MEP1B: variants seen among roughly 807,000 people sequenced by gnomAD.
The protein encoded by MEP1B is meprin A subunit beta, also known as N-benzoyl-L-tyrosyl-P-amino-benzoic acid hydrolase subunit beta.
In MEP1B, 80 loss-of-function variants were observed where a neutral mutation model predicts 84.6. The ratio of observed to expected loss-of-function variants is 0.95; its 90% CI spans 0.79 to 1.14. The LOEUF is 1.14. Ranked by LOEUF, MEP1B falls within the 50% of genes most tolerant of loss-of-function variation. The probability of loss-of-function intolerance (pLI) is 0.00; values close to 1 mark genes in which losing one functional copy is unlikely to be tolerated. For synonymous variants in MEP1B, 273 were observed against 288.1 expected, an observed-to-expected ratio of 0.95 and a Z score of 0.53; for missense variants, 766 against 855.1, an observed-to-expected ratio of 0.90 and a Z score of 1.30.
intron 9 of MEP1B, among the ~76,000 whole-genome samples, chr18:32,208,916 C>T (rs2040993918): frequency 6.6e-6 from 1 of 152,074 alleles, no homozygotes; most frequent in Admixed American, 6.5e-5. Context: ...CAAAAAGGTG[C>T]TTTTCCTTTT....
rs117170100 is a variant in MEP1B at position 32,198,454 on chromosome 18, T to C, written c.250+2969T>C. 1.8e-4 allele frequency among the ~76,000 whole-genome samples: 28 copies of C among 152,350 alleles called. No individual in the cohort carries two copies. In the East Asian group the frequency reaches 5.4e-3, roughly 29 times the overall value. Reference sequence around the variant, plus strand: ...TTTGTGTGAAAGTGCTGTTCACCCATCTGGCCAGCCAGCAACTGCAGCACC... The same window carrying C: ...TTTGTGTGAAAGTGCTGTTCACCCACCTGGCCAGCCAGCAACTGCAGCACC... On this transcript the variant is annotated intron_variant, in intron 5 of 14. Coordinates refer to ENST00000269202, the MANE Select transcript of MEP1B (RefSeq NM_005925.3).
At chr18:32,194,465 T>C (rs927728561) in intron 4 of MEP1B, among the ~76,000 whole-genome samples, 12 of 152,162 alleles carry the variant, frequency 7.9e-5, no homozygotes, top group Non-Finnish European at 1.5e-4. Context: ...AAGCCTAGCA[T>C]GCCTTAGCTC....
At chr18:32,204,076 G>C (rs2040939094) in intron 6 of MEP1B, 106 bp from the exon 7 acceptor site, 1 of 888,342 alleles carries the variant, frequency 1.1e-6, no homozygotes, top group Non-Finnish European at 1.8e-6. Context: ...AAGAGCAAAG[G>C]TGGGTAATGA....
At chr18:32,197,213 A>C (rs1288283109) in intron 5 of MEP1B, among the ~76,000 whole-genome samples, 2 of 152,256 alleles carry the variant, frequency 1.3e-5, no homozygotes, top group Admixed American at 1.3e-4. Context: ...ATCAAATCCA[A>C]AACTAAGAAC....
chr18:32,214,507 TA>T (rs1373012372), intron 11 of MEP1B, among the ~76,000 whole-genome samples: 1 of 152,210 alleles, frequency 6.6e-6, no homozygotes, highest in African/African-American at 2.4e-5. Flanking sequence ...CACTTTTTCC[TA>T]AAGTGTTTCT....
At chr18:32,194,003 G>C (rs1192123918) in intron 4 of MEP1B, among the ~76,000 whole-genome samples, 3 of 152,076 alleles carry the variant, frequency 2.0e-5, no homozygotes, top group Non-Finnish European at 4.4e-5. Flanking sequence ...GGTGTCCTCT[G>C]ATCAGGTGAA....
Position 32,207,455 on chromosome 18 carries a change from C to T in MEP1B, c.751C>T (p.Gln251Ter), listed in dbSNP as rs1252917085. Residue 251 changes from glutamine (Q) to a stop codon, truncating the protein, a stop_gained, in exon 8 of 15, where the codon CAA (glutamine) becomes TAA (stop). Transcript: ENST00000269202. LOFTEE classifies it high-confidence loss of function. ...TGACTCTGATCTCCTAAAGTTGAAT[C>T]AACTGTATAACTGCTGTATGTGACA... is the stretch of plus-strand genomic sequence containing the variant. ...FSDSDLLKLN[Q>*]LYNCSSSLSF... is the part of the protein sequence containing the mutation. 6.2e-7 allele frequency: 1 copy of T among 1,608,416 alleles called. No homozygotes were observed. The highest frequency in any genetic ancestry group is 8.5e-7 in the Non-Finnish European group (1 of 1,176,068).
At chr18:32,204,054 G>A in intron 6 of MEP1B, 128 bp from the exon 7 acceptor site, 1 of 726,488 alleles carries the variant, frequency 1.4e-6, no homozygotes, top group East Asian at 2.7e-5. Flanking sequence ...GAAACGCACA[G>A]TGTTCAGATG....
At chr18:32,215,969 C>CATATATATATATATATAT (rs10522884) in intron 12 of MEP1B, among the ~76,000 whole-genome samples, 3 of 134,956 alleles carry the variant, frequency 2.2e-5, no homozygotes, top group Non-Finnish European at 4.9e-5. Flanking sequence ...TACATATATG[C>CATATATATATATATATAT]ATATATATAT....
At chr18:32,208,605 A>C (rs1443700619) in intron 9 of MEP1B, among the ~76,000 whole-genome samples, 1 of 152,210 alleles carries the variant, frequency 6.6e-6, no homozygotes, top group Non-Finnish European at 1.5e-5. Flanking sequence ...TGCAGAATAC[A>C]AGAGACTCTT....
At chr18:32,215,795 G>C (rs894391889) in intron 12 of MEP1B, among the ~76,000 whole-genome samples, 4 of 152,112 alleles carry the variant, frequency 2.6e-5, no homozygotes, top group African/African-American at 9.7e-5. Context: ...CTGCACTCCA[G>C]CCTGGGCCAA....
At chr18:32,215,058 C>T (rs747988019) in intron 11 of MEP1B, 24 bp from the exon 12 acceptor site, 11 of 1,527,742 alleles carry the variant, frequency 7.2e-6, no homozygotes, top group Non-Finnish European at 9.0e-6. Context: ...AAACACACTC[C>T]ATTAATATAA....
intron 14 of MEP1B, among the ~76,000 whole-genome samples, chr18:32,219,635 AC>A (rs1159977985): frequency 6.6e-6 from 1 of 152,174 alleles, no homozygotes; most frequent in Non-Finnish European, 1.5e-5. Context: ...GGGTAGTGTA[AC>A]AGCTGTTATA....
In MEP1B at chr18:32,213,542, A is replaced by T. The variant is rs555887797; in HGVS notation, c.1562A>T (p.Asp521Val). The change falls in exon 11 of 15, where the codon GAC becomes GTC. Residue 521 changes from aspartate to valine, a missense_variant. By Grantham distance (152) the Asp-to-Val change is radical. Coordinates refer to ENST00000269202, the MANE Select transcript of MEP1B (RefSeq NM_005925.3). Reference protein sequence around the residue: ...RMSNQRSITTDPFMTTDNGNY... With the variant: ...RMSNQRSITTVPFMTTDNGNY... ...TCCAATCAGCGGAGTATAACTACAG[A>T]CCCATTTATGACCACCGGTTCGTAA... 4 of 1,611,890 alleles carry T rather than the reference A, an allele frequency of 2.5e-6. No individual in the cohort carries two copies. In the East Asian group the frequency reaches 8.9e-5, roughly 36 times the overall value.
intron 5 of MEP1B, among the ~76,000 whole-genome samples, chr18:32,198,464 C>A (rs2040877871): frequency 6.6e-6 from 1 of 152,224 alleles, no homozygotes; most frequent in Non-Finnish European, 1.5e-5. Context: ...TCTGGCCAGC[C>A]AGCAACTGCA....
At chr18:32,201,496 T>C (rs1051207919) in intron 5 of MEP1B, among the ~76,000 whole-genome samples, 1 of 152,222 alleles carries the variant, frequency 6.6e-6, no homozygotes, top group Non-Finnish European at 1.5e-5. Flanking sequence ...ATCCAATTTG[T>C]AATCCTCTAT....
intron 5 of MEP1B, among the ~76,000 whole-genome samples, chr18:32,198,609 A>G (rs2040879193): frequency 1.3e-5 from 2 of 152,192 alleles, no homozygotes; most frequent in South Asian, 4.2e-4. Context: ...AAGGGAGAAA[A>G]TCCTGAGCTG....
chr18:32,215,283 T>C, intron 12 of MEP1B, 22 bp downstream of exon 12: 1 of 1,484,510 alleles, frequency 6.7e-7, no homozygotes, highest in Non-Finnish European at 9.1e-7. Context: ...AAAATAGTTT[T>C]ATATAAACTA....
Position 32,204,250 on chromosome 18 carries a change from G to A in MEP1B, c.437G>A (p.Arg146Gln), listed in dbSNP as rs756830883. 1.9e-6 allele frequency: 3 copies of A among 1,604,740 alleles called. No homozygotes were observed. The highest frequency in any genetic ancestry group is 1.7e-6 in the Non-Finnish European group (2 of 1,175,944). ...CTTTCCATCGGGGCAAACTGTGACCGAATAGCAACAGTTCAACACGAGTTC... is the reference window on the plus strand; with the variant it reads ...CTTTCCATCGGGGCAAACTGTGACCAAATAGCAACAGTTCAACACGAGTTC... Reference protein sequence around the residue: ...QELSIGANCDRIATVQHEFLH... With the variant: ...QELSIGANCDQIATVQHEFLH... The change falls in exon 7 of 15, where the codon CGA becomes CAA. Residue 146 changes from arginine (R) to glutamine (Q), a missense_variant. By Grantham distance (43) the Arg-to-Gln change is conservative. Coordinates refer to ENST00000269202, the MANE Select transcript of MEP1B (RefSeq NM_005925.3).
Sources: allele counts gnomAD v4.1 joint callset (sites outside exome capture counted in the v4.1 genomes callset), GRCh38; gene constraint gnomAD v4.1.1; transcripts MANE v1.5; gene names NCBI Gene and HGNC (gene_info 2026-07-23, HGNC 2026-07-21).